The following RPSA2 variants were observed in gnomAD, a reference collection of about 807,000 sequenced individuals.
The protein encoded by RPSA2 is ribosomal protein SA 2, also known as small ribosomal subunit protein uS2B.
At chr19:23,778,983 A>ATTTTTGTG in the RPSA2 span, among the ~76,000 whole-genome samples, 2 of 86,234 alleles carry the variant, frequency 2.3e-5, no homozygotes, top group African/African-American at 8.7e-5. Flanking sequence ...CTGCTCAGTG[A>ATTTTTGTG]TTTTTGTGAC....
At chr19:23,867,492 C>T in the RPSA2 span, among the ~76,000 whole-genome samples, 2 of 151,850 alleles carry the variant, frequency 1.3e-5, no homozygotes, top group Non-Finnish European at 2.9e-5. Context: ...AGGAAAATTC[C>T]TACAAGGAAA....
chr19:23,780,173 TC>T, the RPSA2 span, among the ~76,000 whole-genome samples: 1 of 152,086 alleles, frequency 6.6e-6, no homozygotes, highest in South Asian at 2.1e-4. Flanking sequence ...ATTACCACTC[TC>T]TCGTATATTG....
chr19:23,858,939 C>T, the RPSA2 span, among the ~76,000 whole-genome samples: 42 of 152,308 alleles, frequency 2.8e-4, no homozygotes, highest in African/African-American at 8.7e-4. Context: ...ATCCGCTGTG[C>T]TTCACTGAGG....
chr19:23,827,417 G>T, the RPSA2 span: 2 of 1,465,490 alleles, frequency 1.4e-6, no homozygotes, highest in South Asian at 1.1e-5. Context: ...TGGCCAGAGG[G>T]CTGTGCTGAA....
chr19:23,850,745 A>AT, the RPSA2 span, among the ~76,000 whole-genome samples: 14 of 151,690 alleles, frequency 9.2e-5, no homozygotes, highest in East Asian at 1.6e-3. Context: ...TTTAGGGAGA[A>AT]TTTTTTTTGC....
chr19:23,866,104 A>G, the RPSA2 span, among the ~76,000 whole-genome samples: 1 of 152,180 alleles, frequency 6.6e-6, no homozygotes, highest in Non-Finnish European at 1.5e-5. Context: ...GATCTGGTAC[A>G]ACAATTAACA....
chr19:23,832,951 C>A, the RPSA2 span: 2 of 1,494,224 alleles, frequency 1.3e-6, no homozygotes, highest in Non-Finnish European at 1.8e-6. Flanking sequence ...TAAGGTAATT[C>A]ACAGTGGAGT....
the RPSA2 span, among the ~76,000 whole-genome samples, chr19:23,857,358 T>C: frequency 6.6e-6 from 1 of 152,136 alleles, no homozygotes; most frequent in South Asian, 2.1e-4. Context: ...GTGGTAAATA[T>C]CCATGAAATC....
the RPSA2 span, among the ~76,000 whole-genome samples, chr19:23,777,849 C>T: frequency 6.6e-6 from 1 of 152,152 alleles, no homozygotes; most frequent in Non-Finnish European, 1.5e-5. Context: ...GGTGATGTAA[C>T]TCTCCTGCCA....
chr19:23,786,814 A>G, the RPSA2 span, among the ~76,000 whole-genome samples: 2 of 151,946 alleles, frequency 1.3e-5, no homozygotes, highest in Admixed American at 6.6e-5. Flanking sequence ...GCTGAACTCA[A>G]CACCTAAGGG....
At chr19:23,836,461 T>C in the RPSA2 span, among the ~76,000 whole-genome samples, 1 of 152,292 alleles carries the variant, frequency 6.6e-6, no homozygotes, top group South Asian at 2.1e-4. Context: ...CAATTGTGAA[T>C]TGTGCTGCTA....
At chr19:23,848,989 A>G in the RPSA2 span, among the ~76,000 whole-genome samples, 148,854 of 152,316 alleles carry the variant, frequency 0.98, 72,824 homozygotes, top group Middle Eastern at 1. Flanking sequence ...TTAATTAAAT[A>G]TACTGAGGGG....
the RPSA2 span, among the ~76,000 whole-genome samples, chr19:23,862,896 C>CTTTTTTTTTT: frequency 2.8e-5 from 4 of 142,738 alleles, no homozygotes; most frequent in East Asian, 2.0e-4. Flanking sequence ...TTCTTTCTTT[C>CTTTTTTTTTT]TTTTTTTTTT....
At chr19:23,818,057 C>A in the RPSA2 span, 1 of 152,168 alleles carries the variant, frequency 6.6e-6, no homozygotes, top group African/African-American at 2.4e-5. Context: ...TTCTTTACAT[C>A]CTCTACTTCA....
chr19:23,796,205 C>G, the RPSA2 span, among the ~76,000 whole-genome samples: 1 of 152,164 alleles, frequency 6.6e-6, no homozygotes, highest in Admixed American at 6.5e-5. Flanking sequence ...GCCTTTTCAG[C>G]ATCTATTGAG....
At chr19:23,799,635 AAGCCGG>A in the RPSA2 span, among the ~76,000 whole-genome samples, 210 of 37,182 alleles carry the variant, frequency 5.6e-3, 5 homozygotes, top group African/African-American at 0.016. Context: ...AGAAGAGGGG[AAGCCGG>A]AGTACTGTAA....
the RPSA2 span, among the ~76,000 whole-genome samples, chr19:23,814,469 G>A: frequency 6.6e-6 from 1 of 152,084 alleles, no homozygotes; most frequent in Admixed American, 6.6e-5. Context: ...CTTTTTGTCA[G>A]TACCACATTG....
At chr19:23,833,169 C>T in the RPSA2 span, 1 of 1,196,122 alleles carries the variant, frequency 8.4e-7, no homozygotes, top group Non-Finnish European at 1.1e-6. Context: ...ATGCCTTTTC[C>T]TGGTCCTCAG....
chr19:23,849,664 T>C, the RPSA2 span, among the ~76,000 whole-genome samples: 1 of 152,142 alleles, frequency 6.6e-6, no homozygotes, highest in Admixed American at 6.6e-5. Context: ...AGAATGATGA[T>C]CCTCATCCTT....
Sources: allele counts gnomAD v4.1 joint callset (sites outside exome capture counted in the v4.1 genomes callset), GRCh38; gene constraint gnomAD v4.1.1; transcripts MANE v1.5; gene names NCBI Gene and HGNC (gene_info 2026-07-23, HGNC 2026-07-21).